Variants in GTF2F2 observed in about 807,000 individuals in gnomAD.
GTF2F2 encodes ATP-dependent helicase GTF2F2.
GTF2F2 carries 23 observed loss-of-function variants against 42.2 expected under a neutral mutation model. The observed-to-expected ratio is 0.55, with a 90% CI of 0.39 to 0.77. The LOEUF is 0.77. GTF2F2 is among the 30% of genes least tolerant of loss of function. The pLI, the probability that GTF2F2 is intolerant of heterozygous loss-of-function variation, is 0.00. For missense variants in GTF2F2, 261 were observed against 287.2 expected (o/e 0.91, Z 0.66); for synonymous variants, 105 against 100.8 (o/e 1.04, Z -0.25).
intron 5 of GTF2F2, among the ~76,000 whole-genome samples, chr13:45,228,836 A>G (rs1396134275): frequency 6.6e-6 from 1 of 151,766 alleles, no homozygotes; most frequent in African/African-American, 2.4e-5. Context: ...ACGCCCAGCT[A>G]ATTTTGTATT....
In GTF2F2 at chr13:45,175,141, CCTT is replaced by C. The variant is rs1796853490; in HGVS notation, c.304+23313_304+23315del. ...GCCTCTAGTAATCACTATTCTATCT[CCTT>C]CTGTGAAATCAACTGTTTTAGCTTT... is the stretch of plus-strand genomic sequence containing the variant. On this transcript the variant is annotated intron_variant, in intron 4 of 7. Transcript: ENST00000340473. Among the ~76,000 whole-genome samples, 4 of 152,268 alleles carry C rather than the reference CCTT, an allele frequency of 2.6e-5. No homozygotes were observed. In the South Asian group the frequency reaches 8.3e-4, roughly 32 times the overall value.
chr13:45,215,536 G>A (rs186517853), intron 5 of GTF2F2, among the ~76,000 whole-genome samples: 1,773 of 152,166 alleles, frequency 0.012, 51 homozygotes, highest in Non-Finnish European at 8.7e-3. Context: ...GAGGCGAGTG[G>A]ATCACCTAAG....
Position 45,120,664 on chromosome 13 carries a change from G to T in GTF2F2, c.9G>T (p.Glu3Asp). The T allele has an allele frequency of 6.4e-7, 1 of 1,559,326 alleles. No individual in the cohort carries two copies. The highest frequency in any genetic ancestry group is 1.2e-5 in the South Asian group (1 of 84,584). Residue 3 changes from glutamate (E) to aspartate (D), a missense_variant, in exon 1 of 8, where the codon GAG becomes GAT. Transcript: ENST00000340473. The part of the protein sequence containing the change: MA[E>D]RGELDLTGAK... Reference sequence around the variant, plus strand: ...CCACCGGCTGCAGACCCATGGCCGAGCGCGGGGAACTCGACTTGACCGGCG... The same window carrying T: ...CCACCGGCTGCAGACCCATGGCCGATCGCGGGGAACTCGACTTGACCGGCG...
At chr13:45,147,039 C>T (rs757979878) in intron 2 of GTF2F2, among the ~76,000 whole-genome samples, 2 of 152,152 alleles carry the variant, frequency 1.3e-5, no homozygotes, top group Non-Finnish European at 2.9e-5. Flanking sequence ...ATCTAGAGCT[C>T]ATCAATCTAT....
At chr13:45,131,574 G>A (rs949455785) in intron 1 of GTF2F2, among the ~76,000 whole-genome samples, 14 of 151,998 alleles carry the variant, frequency 9.2e-5, no homozygotes, top group African/African-American at 3.1e-4. Context: ...AGTGTAGACA[G>A]CTGGCATAGA....
chr13:45,163,007 A>C (rs1030727103), intron 4 of GTF2F2, among the ~76,000 whole-genome samples: 2 of 146,926 alleles, frequency 1.4e-5, no homozygotes, highest in South Asian at 4.3e-4. Flanking sequence ...CATTATGACT[A>C]GTCTGCAATT....
intron 4 of GTF2F2, among the ~76,000 whole-genome samples, chr13:45,184,730 G>C (rs574434341): frequency 1.7e-4 from 26 of 152,200 alleles, no homozygotes; most frequent in African/African-American, 5.8e-4. Flanking sequence ...AGTTAGGAAA[G>C]ATTTTACTTA....
In GTF2F2 at chr13:45,283,736, T is replaced by C; in HGVS notation, c.*175T>C. ...TTGTAAAGTTTCTTAACTGTTTTTT[T>C]GAGGAGAAAGAACAGATTTATTTAT... is the stretch of plus-strand genomic sequence containing the variant. On this transcript the variant is annotated 3_prime_UTR_variant, in exon 8 of 8. Coordinates refer to ENST00000340473, the MANE Select transcript of GTF2F2 (RefSeq NM_004128.3). The C allele has an allele frequency of 2.6e-6, 1 of 378,392 alleles. No homozygotes were observed. The highest frequency in any genetic ancestry group is 4.5e-5 in the East Asian group (1 of 22,428). The allele number at this position is 378,392 out of a possible 1,614,324, so 23.4% of individuals were successfully genotyped here. A position where few individuals can be genotyped will look rare whatever the true frequency, so the allele number is the denominator to read the frequency against.
At chr13:45,184,220 A>G (rs1872303741) in intron 4 of GTF2F2, among the ~76,000 whole-genome samples, 1 of 152,082 alleles carries the variant, frequency 6.6e-6, no homozygotes, top group Admixed American at 6.6e-5. Flanking sequence ...TTGTTTCTGT[A>G]TGGAAACAAC....
At chr13:45,260,371 C>T (rs899920177) in intron 6 of GTF2F2, among the ~76,000 whole-genome samples, 3 of 152,120 alleles carry the variant, frequency 2.0e-5, no homozygotes, top group Admixed American at 6.5e-5. Flanking sequence ...ACACAAAGGA[C>T]TGACCAATTC....
At chr13:45,154,147 T>C (rs1870639796) in intron 4 of GTF2F2, among the ~76,000 whole-genome samples, 1 of 152,136 alleles carries the variant, frequency 6.6e-6, no homozygotes. Context: ...AAAGGAGTCA[T>C]TGCCTTGATA....
At chr13:45,136,113 G>A (rs1869606292) in intron 1 of GTF2F2, among the ~76,000 whole-genome samples, 1 of 152,210 alleles carries the variant, frequency 6.6e-6, no homozygotes, top group South Asian at 2.1e-4. Flanking sequence ...ATAACCTTGA[G>A]TAAATTGTAT....
At chr13:45,189,640 A>G (rs1450914416) in intron 4 of GTF2F2, among the ~76,000 whole-genome samples, 1 of 152,134 alleles carries the variant, frequency 6.6e-6, no homozygotes, top group Non-Finnish European at 1.5e-5. Flanking sequence ...GATTTGCAGT[A>G]CCATTGAGGA....
At chr13:45,212,455 C>CTTTCTTTTCTTTTT (rs71184403) in intron 5 of GTF2F2, among the ~76,000 whole-genome samples, 1 of 96,594 alleles carries the variant, frequency 1.0e-5, no homozygotes, top group African/African-American at 4.5e-5. Flanking sequence ...TTGTTTCTTT[C>CTTTCTTTTCTTTTT]TTTCTTTCTT....
At chr13:45,224,040 A>G (rs1171301248) in intron 5 of GTF2F2, among the ~76,000 whole-genome samples, 1 of 152,192 alleles carries the variant, frequency 6.6e-6, no homozygotes, top group African/African-American at 2.4e-5. Context: ...TACTTCATGA[A>G]GAGTTTGTTG....
rs192825451 is a variant in GTF2F2 at position 45,129,732 on chromosome 13, C to T, written c.67-7001C>T. On this transcript the variant is annotated intron_variant, in intron 1 of 7. Transcript: ENST00000340473. ...ATTACAATATCTGCCTATTCAGATA[C>T]GTTCTAATTAGATTACGTTCTAATG... Among the ~76,000 whole-genome samples the T allele has an allele frequency of 2.6e-5, 4 of 151,184 alleles. No homozygotes were observed. The East Asian group carries it at 5.8e-4, about 22-fold the overall frequency.
chr13:45,167,763 A>G, intron 4 of GTF2F2, among the ~76,000 whole-genome samples: 1 of 151,890 alleles, frequency 6.6e-6, no homozygotes, highest in East Asian at 1.9e-4. Flanking sequence ...GCTGGTTTCA[A>G]ACTCCTGACC....
intron 4 of GTF2F2, among the ~76,000 whole-genome samples, chr13:45,184,171 C>T (rs1872300833): frequency 6.6e-6 from 1 of 152,016 alleles, no homozygotes; most frequent in Non-Finnish European, 1.5e-5. Context: ...CATACTTTCC[C>T]AGAAGAGTGA....
chr13:45,248,396 A>T (rs575219688), intron 5 of GTF2F2, among the ~76,000 whole-genome samples: 12 of 151,938 alleles, frequency 7.9e-5, no homozygotes, highest in Admixed American at 1.3e-4. Context: ...AATTTGCACC[A>T]AGTTTTTTTT....
Sources: allele counts gnomAD v4.1 joint callset (sites outside exome capture counted in the v4.1 genomes callset), GRCh38; gene constraint gnomAD v4.1.1; transcripts MANE v1.5; gene names NCBI Gene and HGNC (gene_info 2026-07-23, HGNC 2026-07-21).